The following CSMD1 variants were observed in gnomAD, a reference collection of about 807,000 sequenced individuals.
CSMD1 encodes the protein CUB and sushi domain-containing protein 1.
Under a neutral mutation model 417.5 loss-of-function variants are expected in CSMD1, and 213 were observed. The observed-to-expected ratio is 0.51, with a 90% confidence interval of 0.46 to 0.57. The LOEUF is 0.57. Among genes scored for constraint, CSMD1 ranks in the 20% least tolerant of loss-of-function variants. The probability of loss-of-function intolerance (pLI) is 0.00; values close to 1 mark genes in which losing one functional copy is unlikely to be tolerated. For missense variants in CSMD1, 6,923 were observed against 4,529.7 expected, an observed-to-expected ratio of 1.53 and a Z score of -15.17; for synonymous variants, 2,862 against 1,736.8, an observed-to-expected ratio of 1.65 and a Z score of -16.11.
chr8:3,599,624 T>A (rs2469352), intron 8 of CSMD1, among the ~76,000 whole-genome samples: 36,562 of 152,156 alleles, frequency 0.24, 4,587 homozygotes, highest in Admixed American at 0.27. Context: ...ATGCTATACA[T>A]CAGATCCCTA....
intron 5 of CSMD1, among the ~76,000 whole-genome samples, chr8:3,768,269 A>T (rs1798394510): frequency 6.6e-6 from 1 of 152,174 alleles, no homozygotes; most frequent in African/African-American, 2.4e-5. Flanking sequence ...GGGCCAAGTG[A>T]ATATCATGAT....
chr8:4,578,276 T>C (rs940568021), intron 2 of CSMD1, among the ~76,000 whole-genome samples: 1 of 146,834 alleles, frequency 6.8e-6, no homozygotes, highest in African/African-American at 2.5e-5. Flanking sequence ...TTCTCCTGCC[T>C]CAGCCTCCCG....
intron 1 of CSMD1, among the ~76,000 whole-genome samples, chr8:4,955,914 A>T (rs1021652400): frequency 6.6e-6 from 1 of 152,238 alleles, no homozygotes; most frequent in South Asian, 2.1e-4. Context: ...AATTATATTT[A>T]AAAAGCCATC....
Position 4,632,883 on chromosome 8 carries a change from T to C in CSMD1, c.302+4459A>G, listed in dbSNP as rs60453208. Among the ~76,000 whole-genome samples the C allele has an allele frequency of 5.4e-3, 820 of 152,280 alleles. 9 individuals carry two copies. The highest frequency in any genetic ancestry group is 0.018 in the African/African-American group (755 of 41,550). On this transcript the variant is annotated intron_variant, in intron 2 of 69. Coordinates refer to ENST00000635120, the MANE Select transcript of CSMD1 (RefSeq NM_033225.6). ...CCGGGAATAAGAGGACAACATTCTC[T>C]TGTAAGGTCAGGTCAAGGAGTAACC...
intron 1 of CSMD1, among the ~76,000 whole-genome samples, chr8:4,992,522 T>C (rs1320988857): frequency 6.6e-6 from 1 of 152,068 alleles, no homozygotes; most frequent in African/African-American, 2.4e-5. Context: ...TGGCAGGTGT[T>C]TCCTCTCCAC....
intron 5 of CSMD1, among the ~76,000 whole-genome samples, chr8:3,841,958 G>A (rs1055173707): frequency 6.6e-6 from 1 of 152,120 alleles, no homozygotes; most frequent in African/African-American, 2.4e-5. Context: ...GAAAGTTACT[G>A]CTTCCAAAAG....
At chr8:4,796,361 G>T (rs925922839) in intron 1 of CSMD1, among the ~76,000 whole-genome samples, 1 of 152,052 alleles carries the variant, frequency 6.6e-6, no homozygotes, top group African/African-American at 2.4e-5. Context: ...GCCAGACCCA[G>T]CTTTATAAAG....
At chr8:4,437,726 C>G (rs1347784576) in intron 2 of CSMD1, among the ~76,000 whole-genome samples, 2 of 152,054 alleles carry the variant, frequency 1.3e-5, no homozygotes, top group Non-Finnish European at 2.9e-5. Flanking sequence ...TATATACTTG[C>G]TTAGGCTGCC....
At chr8:3,061,147 A>G (rs890633717) in intron 49 of CSMD1, among the ~76,000 whole-genome samples, 1 of 152,164 alleles carries the variant, frequency 6.6e-6, no homozygotes, top group Non-Finnish European at 1.5e-5. Flanking sequence ...TTTGTTTATG[A>G]CTCGGACAAT....
chr8:4,790,171 A>G (rs1235861293), intron 1 of CSMD1, among the ~76,000 whole-genome samples: 1 of 152,206 alleles, frequency 6.6e-6, no homozygotes, highest in African/African-American at 2.4e-5. Flanking sequence ...GTTCAACATA[A>G]TAAGAATATT....
At chr8:4,077,298 T>C (rs949844943) in intron 3 of CSMD1, among the ~76,000 whole-genome samples, 32 of 33,508 alleles carry the variant, frequency 9.5e-4, no homozygotes, top group African/African-American at 2.5e-3. Context: ...TATATATGTG[T>C]ATATATATAT....
In CSMD1 at chr8:3,191,678, A is replaced by C. The variant is rs139894950; in HGVS notation, c.5195-1563T>G. Among the ~76,000 whole-genome samples, 130 of 152,280 alleles carry C rather than the reference A, an allele frequency of 8.5e-4. No individual in the cohort carries two copies. In the East Asian group the frequency reaches 0.021, roughly 25 times the overall value. ...CTATTCAGGTTGTATGGCAGAAATT[A>C]CCATCTACAGGAGATATTCCTGTTT... On this transcript the variant is annotated intron_variant, in intron 33 of 69. Coordinates refer to ENST00000635120, the MANE Select transcript of CSMD1 (RefSeq NM_033225.6).
chr8:3,518,066 T>C (rs1010017998), intron 10 of CSMD1, among the ~76,000 whole-genome samples: 1 of 152,160 alleles, frequency 6.6e-6, no homozygotes, highest in Admixed American at 6.5e-5. Context: ...TTCAAGTGTT[T>C]AGAAAATGTG....
intron 2 of CSMD1, among the ~76,000 whole-genome samples, chr8:4,480,078 T>A (rs1308581279): frequency 6.6e-6 from 1 of 151,854 alleles, no homozygotes; most frequent in African/African-American, 2.4e-5. Flanking sequence ...TAGAGAAGTT[T>A]GAAGTAGCTG....
At chr8:3,812,055 A>T (rs758532365) in intron 5 of CSMD1, among the ~76,000 whole-genome samples, 1 of 152,112 alleles carries the variant, frequency 6.6e-6, no homozygotes, top group Non-Finnish European at 1.5e-5. Context: ...TCCATAAAGC[A>T]TTTCACGATT....
At chr8:4,425,379 C>CAA (rs3056571) in intron 2 of CSMD1, among the ~76,000 whole-genome samples, 97 of 128,816 alleles carry the variant, frequency 7.5e-4, no homozygotes, top group Non-Finnish European at 1.1e-3. Context: ...ATTTGTGTGC[C>CAA]AAAAAAAAAA....
At chr8:3,290,951 G>C (rs1023465062) in intron 25 of CSMD1, among the ~76,000 whole-genome samples, 2 of 152,108 alleles carry the variant, frequency 1.3e-5, no homozygotes. Context: ...GTATGATATT[G>C]GCTGTGGGTT....
At chr8:4,493,897 T>C (rs1801847265) in intron 2 of CSMD1, among the ~76,000 whole-genome samples, 1 of 152,152 alleles carries the variant, frequency 6.6e-6, no homozygotes, top group African/African-American at 2.4e-5. Flanking sequence ...GACCAAGAAA[T>C]TAAAATGATA....
At chr8:4,854,401 C>T (rs903804863) in intron 1 of CSMD1, among the ~76,000 whole-genome samples, 2 of 151,980 alleles carry the variant, frequency 1.3e-5, no homozygotes, top group African/African-American at 2.4e-5. Context: ...TGTGCCACTC[C>T]GGATCGAGCC....
Sources: allele counts gnomAD v4.1 joint callset (sites outside exome capture counted in the v4.1 genomes callset), GRCh38; gene constraint gnomAD v4.1.1; transcripts MANE v1.5; gene names NCBI Gene and HGNC (gene_info 2026-07-23, HGNC 2026-07-21).